DGAT2L6: variants seen among roughly 807,000 people sequenced by gnomAD.
DGAT2L6 encodes diacylglycerol O-acyltransferase 2-like protein 6.
DGAT2L6 carries 22 observed loss-of-function variants against 25.5 expected under a neutral mutation model. That is an observed-to-expected ratio of 0.86 (90% confidence interval 0.62 to 1.23). The LOEUF is 1.23. Among genes scored for constraint, DGAT2L6 ranks in the 50% most tolerant of loss-of-function variants. DGAT2L6 has a pLI of 0.00. For synonymous variants in DGAT2L6, 100 were observed against 94.7 expected (o/e 1.06, Z -0.32); for missense variants, 287 against 253.2 (o/e 1.13, Z -0.91).
At chrX:70,197,794 A>C (rs974157031) in intron 1 of DGAT2L6, among the ~76,000 whole-genome samples, 5 of 112,190 alleles carry the variant, frequency 4.5e-5, no homozygotes, top group Non-Finnish European at 9.4e-5. Context: ...TCTGAAGCTT[A>C]ACTGGCAAAT....
rs1569427581 is a variant in DGAT2L6, at chrX:70,182,467, A to ATT, written c.85+4801_85+4802insTT. The stretch of plus-strand genomic sequence containing the variant: ...TTACTTCTGGAGGTCTTTCAAAAGC[A>ATT]TCTTTTTTTTTTTTTTTTTTTTTTT... On this transcript the variant is annotated intron_variant, in intron 1 of 6. Coordinates refer to ENST00000333026, the MANE Select transcript of DGAT2L6 (RefSeq NM_198512.3). Among the ~76,000 whole-genome samples the ATT allele has an allele frequency of 1.3e-4, 8 of 63,461 alleles. 1 individual carries two copies. The highest frequency in any genetic ancestry group is 4.3e-4 in the African/African-American group (5 of 11,732). The allele number at this position is 63,461 out of a possible 115,157, so 55.1% of individuals were successfully genotyped here.
chrX:70,180,358 A>G (rs1357395370), intron 1 of DGAT2L6, among the ~76,000 whole-genome samples: 2 of 110,997 alleles, frequency 1.8e-5, no homozygotes, highest in Non-Finnish European at 3.8e-5. Context: ...CTGAGGAAGG[A>G]GAATCACTTG....
chrX:70,198,516 TTTGTTG>T (rs201445481), intron 1 of DGAT2L6, among the ~76,000 whole-genome samples: 1 of 110,097 alleles, frequency 9.1e-6, no homozygotes, highest in African/African-American at 3.3e-5. Context: ...GTAGGGCAGT[TTTGTTG>T]TTGTTGTTGT....
chrX:70,195,414 C>T (rs1196818081), intron 1 of DGAT2L6, among the ~76,000 whole-genome samples: 3 of 109,267 alleles, frequency 2.7e-5, no homozygotes, highest in East Asian at 2.9e-4. Context: ...ATAGCCAAGA[C>T]GTGGGATCGA....
chrX:70,193,067 C>CCCAGGA (rs1231531879), intron 1 of DGAT2L6, among the ~76,000 whole-genome samples: 1 of 110,847 alleles, frequency 9.0e-6, no homozygotes, highest in Non-Finnish European at 1.9e-5. Flanking sequence ...CAAAGAAAAG[C>CCCAGGA]CCAGGACCAG....
intron 3 of DGAT2L6, among the ~76,000 whole-genome samples, 186 bp downstream of exon 3, chrX:70,200,068 C>G (rs749703157): frequency 9.0e-6 from 1 of 111,553 alleles, no homozygotes; most frequent in South Asian, 3.8e-4. Context: ...CTTTCCTTCA[C>G]TGGCAAACCC....
intron 1 of DGAT2L6, among the ~76,000 whole-genome samples, chrX:70,194,890 G>A (rs2085386005): frequency 9.0e-6 from 1 of 111,100 alleles, no homozygotes; most frequent in Admixed American, 9.6e-5. Context: ...TAAACAAGCA[G>A]GAGTACCTCA....
intron 1 of DGAT2L6, among the ~76,000 whole-genome samples, chrX:70,187,258 T>A (rs2085362633): frequency 9.0e-6 from 1 of 111,058 alleles, no homozygotes; most frequent in Non-Finnish European, 1.9e-5. Flanking sequence ...ATGACATTTA[T>A]CTTGAGGCCT....
chrX:70,191,709 A>G (rs964429944), intron 1 of DGAT2L6, among the ~76,000 whole-genome samples: 1 of 112,049 alleles, frequency 8.9e-6, no homozygotes, highest in African/African-American at 3.2e-5. Flanking sequence ...AACTCAAAGA[A>G]GAATATCCTG....
At chrX:70,195,827 T>A (rs1162835860) in intron 1 of DGAT2L6, among the ~76,000 whole-genome samples, 1 of 111,111 alleles carries the variant, frequency 9.0e-6, no homozygotes, top group Non-Finnish European at 1.9e-5. Flanking sequence ...TAAGGAAAAA[T>A]TTGTCAAAGG....
intron 1 of DGAT2L6, among the ~76,000 whole-genome samples, chrX:70,180,939 T>C (rs2085341474): frequency 8.9e-6 from 1 of 112,228 alleles, no homozygotes; most frequent in African/African-American, 3.2e-5. Flanking sequence ...CATATTGTTT[T>C]CCATTCATCT....
At position 70,177,614 on chromosome X, in the gene DGAT2L6, A is replaced by C; in HGVS notation, c.32A>C (p.Glu11Ala). The C allele has an allele frequency of 1.7e-6, 2 of 1,211,118 alleles. No homozygotes were observed. The highest frequency in any genetic ancestry group is 2.2e-6 in the Non-Finnish European group (2 of 894,935). ...TTCTTCTCCCGACTGAATCTCCAGG[A>C]GGGCCTCCAAACCTTCTTTGTTTTG... MAFFSRLNLQ[E>A]GLQTFFVLQW... Residue 11 changes from glutamate (E) to alanine (A), a missense_variant, in exon 1 of 7, where the codon GAG becomes GCG. By Grantham distance (107) the Glu-to-Ala change is moderately radical (BLOSUM62 -1). Coordinates refer to ENST00000333026, the MANE Select transcript of DGAT2L6 (RefSeq NM_198512.3).
intron 1 of DGAT2L6, among the ~76,000 whole-genome samples, chrX:70,192,838 A>C (rs1264496354): frequency 8.9e-6 from 1 of 111,823 alleles, no homozygotes; most frequent in Non-Finnish European, 1.9e-5. Flanking sequence ...CAAATAAATA[A>C]AATCAGAAAT....
chrX:70,193,050 C>T, intron 1 of DGAT2L6, among the ~76,000 whole-genome samples: 1 of 110,773 alleles, frequency 9.0e-6, no homozygotes. Flanking sequence ...AATCAAAAAC[C>T]TCCTAACAAA....
intron 1 of DGAT2L6, among the ~76,000 whole-genome samples, chrX:70,191,807 G>C (rs2085376400): frequency 8.9e-6 from 1 of 112,149 alleles, no homozygotes; most frequent in African/African-American, 3.2e-5. Context: ...ACATACAAGG[G>C]AACCTCATCA....
intron 1 of DGAT2L6, among the ~76,000 whole-genome samples, chrX:70,192,549 C>T (rs938917090): frequency 6.3e-5 from 7 of 111,648 alleles, no homozygotes; most frequent in African/African-American, 9.8e-5. Context: ...TTAGTACTTT[C>T]GTCACTTATG....
chrX:70,201,637 T>C (rs1221692715), intron 4 of DGAT2L6, among the ~76,000 whole-genome samples: 1 of 110,163 alleles, frequency 9.1e-6, no homozygotes, highest in African/African-American at 3.3e-5. Context: ...AGGCTATGGA[T>C]GGTAGGAGGC....
At chrX:70,179,849 G>C (rs192841920) in intron 1 of DGAT2L6, among the ~76,000 whole-genome samples, 1 of 110,311 alleles carries the variant, frequency 9.1e-6, no homozygotes, top group African/African-American at 3.3e-5. Flanking sequence ...TGGGATTACC[G>C]GCATGAGCCA....
At chrX:70,187,610 A>G (rs912030493) in intron 1 of DGAT2L6, among the ~76,000 whole-genome samples, 41 of 111,598 alleles carry the variant, frequency 3.7e-4, no homozygotes, top group African/African-American at 1.2e-3. Context: ...CCTCTTTGAT[A>G]AACCAGCCAT....
Sources: gnomAD v4.1 joint callset for allele counts (sites outside exome capture counted in the v4.1 genomes callset) on GRCh38, gnomAD v4.1.1 for gene constraint, MANE v1.5 for transcripts, NCBI Gene and HGNC (gene_info 2026-07-23, HGNC 2026-07-21) for gene names.